Variants in ALDOB observed in about 807,000 individuals in gnomAD.
ALDOB encodes fructose-bisphosphate aldolase B.
In ALDOB, 39 loss-of-function variants were observed where a neutral mutation model predicts 41.0. The ratio of observed to expected loss-of-function variants is 0.95; its 90% CI spans 0.74 to 1.24. The LOEUF is 1.24. Ranked by LOEUF, ALDOB falls within the 50% of genes most tolerant of loss-of-function variation. The pLI is 0.00. For missense variants in ALDOB, 530 were observed against 457.3 expected (o/e 1.16, Z -1.45); for synonymous variants, 175 against 168.8 (o/e 1.04, Z -0.28).
chr9:101,428,446 A>T (rs752270293), intron 4 of ALDOB, 23 bp downstream of exon 4: 1 of 1,608,186 alleles, frequency 6.2e-7, no homozygotes, highest in African/African-American at 1.3e-5. Context: ...GGCATGATTC[A>T]TCTCAGTGGG....
chr9:101,424,771 G>T (rs148100257), intron 8 of ALDOB, 72 bp downstream of exon 8: 2 of 1,565,994 alleles, frequency 1.3e-6, no homozygotes, highest in Non-Finnish European at 1.8e-6. Context: ...AGAAAACAAT[G>T]CTTCTCCGTG....
In ALDOB at chr9:101,421,850, C is replaced by A. The variant is rs140864863; in HGVS notation, c.1054G>T (p.Ala352Ser). Residue 352 changes from alanine (A) to serine (S), a missense_variant, in exon 9 of 9, where the codon GCT (alanine) becomes TCT (serine). Ala to Ser is a moderately conservative substitution (Grantham distance 99). Transcript: ENST00000647789. ...QYVHTGSSGAASTQSLFTACY... is the reference protein window; with the variant it reads ...QYVHTGSSGASSTQSLFTACY... The stretch of plus-strand genomic sequence containing the variant: ...GCTGTGAAGAGCGACTGGGTGGAAG[C>A]AGCCCCAGAAGAACCCGTGTGAACA... 36 of 1,614,054 alleles carry A rather than the reference C, an allele frequency of 2.2e-5. No homozygotes were observed. Among genetic ancestry groups the A allele is most frequent in the Non-Finnish European group, 3.1e-5 (36 of 1,179,994 alleles).
intron 1 of ALDOB, among the ~76,000 whole-genome samples, chr9:101,431,956 A>T (rs1460224411): frequency 6.6e-6 from 1 of 152,170 alleles, no homozygotes; most frequent in African/African-American, 2.4e-5. Context: ...ATTGGCAATG[A>T]GGTAATTATA....
At chr9:101,422,350 TA>T (rs777193548) in intron 8 of ALDOB, among the ~76,000 whole-genome samples, 3 of 152,250 alleles carry the variant, frequency 2.0e-5, no homozygotes, top group African/African-American at 4.8e-5. Flanking sequence ...CAGTTAAAGA[TA>T]AATTCAGAAT....
At chr9:101,428,318 G>T (rs1831160077) in intron 4 of ALDOB, 151 bp downstream of exon 4, 1 of 753,636 alleles carries the variant, frequency 1.3e-6, no homozygotes, top group African/African-American at 1.7e-5. Context: ...GGTCACAGTT[G>T]TTAAATGGAG....
chr9:101,426,119 C>G (rs1831125427), intron 6 of ALDOB, among the ~76,000 whole-genome samples: 1 of 152,194 alleles, frequency 6.6e-6, no homozygotes, highest in African/African-American at 2.4e-5. Context: ...GACATTATGA[C>G]TCTCCTACTT....
At chr9:101,428,819 T>C (rs757188312) in intron 3 of ALDOB, among the ~76,000 whole-genome samples, 5 of 152,328 alleles carry the variant, frequency 3.3e-5, no homozygotes, top group Non-Finnish European at 7.3e-5. Flanking sequence ...GCAAAAGTCA[T>C]GAGCTTGAGA....
intron 1 of ALDOB, among the ~76,000 whole-genome samples, chr9:101,431,807 G>T (rs895529489): frequency 6.6e-6 from 1 of 152,116 alleles, no homozygotes; most frequent in African/African-American, 2.4e-5. Context: ...GATTATCTTG[G>T]GTAGCTTCCT....
At chr9:101,435,394 G>C (rs551688815) in intron 1 of ALDOB, among the ~76,000 whole-genome samples, 1 of 152,178 alleles carries the variant, frequency 6.6e-6, no homozygotes, top group Admixed American at 6.5e-5. Flanking sequence ...AGAACCTAAC[G>C]ATAGGAGTGT....
intron 1 of ALDOB, among the ~76,000 whole-genome samples, chr9:101,434,721 G>A (rs973077346): frequency 2.0e-5 from 3 of 152,158 alleles, no homozygotes; most frequent in African/African-American, 7.2e-5. Flanking sequence ...AGCCCAGAAC[G>A]AGTCCTGAAT....
chr9:101,434,533 G>A (rs894863785), intron 1 of ALDOB, among the ~76,000 whole-genome samples: 33 of 152,138 alleles, frequency 2.2e-4, no homozygotes, highest in Admixed American at 1.3e-4. Flanking sequence ...ATATGAGGAG[G>A]CTTATTTATT....
chr9:101,432,353 G>A (rs1241289910), intron 1 of ALDOB, among the ~76,000 whole-genome samples: 1 of 152,152 alleles, frequency 6.6e-6, no homozygotes, highest in African/African-American at 2.4e-5. Context: ...CACCAGCAGA[G>A]CATGTTTGCC....
intron 1 of ALDOB, among the ~76,000 whole-genome samples, chr9:101,434,993 T>G (rs972057945): frequency 6.6e-6 from 1 of 152,238 alleles, no homozygotes. Context: ...ATTTTTCAGA[T>G]AGTAGAGCAA....
chr9:101,430,988 G>C lies in ALDOB; in HGVS notation c.-10-91C>G. 3 of 871,014 alleles carry C rather than the reference G, an allele frequency of 3.4e-6. No homozygotes were observed. The South Asian group carries it at 4.2e-5, about 12-fold the overall frequency. 54.0% of individuals were successfully genotyped at this position (871,014 alleles called of 1,614,324 possible). A position where few individuals can be genotyped will look rare whatever the true frequency, so the allele number is the denominator to read the frequency against. On this transcript the variant is annotated intron_variant, in intron 1 of 8. Transcript: ENST00000647789. ...ACAGTTGGGGGTGCAGACATGCTGTGCAGACCTCTGTGACACCTCTGACCC... is the reference window on the plus strand; with the variant it reads ...ACAGTTGGGGGTGCAGACATGCTGTCCAGACCTCTGTGACACCTCTGACCC...
At chr9:101,430,508 T>A (rs185972855) in intron 2 of ALDOB, among the ~76,000 whole-genome samples, 2 of 152,320 alleles carry the variant, frequency 1.3e-5, no homozygotes, top group Admixed American at 1.3e-4. Context: ...TCTGACCTTA[T>A]GCTAGTTACT....
intron 8 of ALDOB, among the ~76,000 whole-genome samples, chr9:101,424,287 C>T (rs1332001381): frequency 6.6e-6 from 1 of 152,026 alleles, no homozygotes; most frequent in African/African-American, 2.4e-5. Context: ...GGTATGGTGG[C>T]GCATGCCTCT....
intron 8 of ALDOB, among the ~76,000 whole-genome samples, chr9:101,424,123 A>C (rs1022138520): frequency 1.3e-5 from 2 of 151,920 alleles, no homozygotes; most frequent in Non-Finnish European, 2.9e-5. Flanking sequence ...TGGCCCTTTG[A>C]AATTGTTTAC....
At chr9:101,429,178 T>C (rs2118360609) in intron 3 of ALDOB, among the ~76,000 whole-genome samples, 1 of 151,788 alleles carries the variant, frequency 6.6e-6, no homozygotes, top group Non-Finnish European at 1.5e-5. Context: ...CTCTTTTTTT[T>C]TTTGAGACAG....
At chr9:101,431,027 G>T (rs1475924568) in intron 1 of ALDOB, 130 bp from the exon 2 acceptor site, 11 of 710,172 alleles carry the variant, frequency 1.5e-5, no homozygotes, top group Non-Finnish European at 2.3e-5. Context: ...TCCACAGGTG[G>T]ATAAGCAAAT....
Sources: allele counts gnomAD v4.1 joint callset (sites outside exome capture counted in the v4.1 genomes callset), GRCh38; gene constraint gnomAD v4.1.1; transcripts MANE v1.5; gene names NCBI Gene and HGNC (gene_info 2026-07-23, HGNC 2026-07-21).